Variants in ERICH1 observed in about 807,000 individuals in gnomAD.
ERICH1 encodes the protein glutamate rich 1.
ERICH1 carries 56 observed loss-of-function variants against 39.6 expected under a neutral mutation model. The ratio of observed to expected loss-of-function variants is 1.41; its 90% confidence interval spans 1.14 to 1.77. The LOEUF (loss-of-function observed/expected upper bound fraction) is 1.77, where lower values mean the gene tolerates loss of function less well. Among genes scored for constraint, ERICH1 ranks in the 40% most tolerant of loss-of-function variants. The pLI is 0.00. For missense variants in ERICH1, 826 were observed against 575.4 expected, an observed-to-expected ratio of 1.44 and a Z score of -4.45; for synonymous variants, 313 against 223.6, an observed-to-expected ratio of 1.40 and a Z score of -3.57.
At chr8:688,243 G>C (rs1052095715) in intron 3 of ERICH1, among the ~76,000 whole-genome samples, 2 of 96,132 alleles carry the variant, frequency 2.1e-5, no homozygotes, top group African/African-American at 8.8e-5. Context: ...TCGCAGAAAA[G>C]GTAAAGCGGC....
At chr8:710,671 T>C (rs946027176) in intron 2 of ERICH1, among the ~76,000 whole-genome samples, 1 of 152,246 alleles carries the variant, frequency 6.6e-6, no homozygotes, top group Non-Finnish European at 1.5e-5. Context: ...TAATAAGCAT[T>C]TAAGGTCCCA....
chr8:634,952 T>C (rs1798308767), intron 3 of ERICH1, among the ~76,000 whole-genome samples: 1 of 151,986 alleles, frequency 6.6e-6, no homozygotes, highest in Non-Finnish European at 1.5e-5. Context: ...TTGGTGCCTC[T>C]GGGGAAGGAA....
chr8:673,833 CCTTTT>C lies in ERICH1; in HGVS notation c.514_518del (p.Lys172GlufsTer25). 1 of 1,614,122 alleles carries C rather than the reference CCTTTT, an allele frequency of 6.2e-7. No homozygotes were observed. The highest frequency in any genetic ancestry group is 8.5e-7 in the Non-Finnish European group (1 of 1,180,022). On this transcript the variant is annotated frameshift_variant, in exon 4 of 6. Coordinates refer to ENST00000262109, the MANE Select transcript of ERICH1 (RefSeq NM_207332.3). LOFTEE classifies it high-confidence loss of function. The stretch of plus-strand genomic sequence containing the variant: ...TTGCTGCCAAGCCGGCTGCTTTCTT[CCTTTT>C]AATTTGCTGTTTCTTTTTCAGTTTC...
At chr8:631,594 G>C (rs1798042434) in intron 3 of ERICH1, among the ~76,000 whole-genome samples, 1 of 152,194 alleles carries the variant, frequency 6.6e-6, no homozygotes, top group Non-Finnish European at 1.5e-5. Context: ...GACACTGCCA[G>C]GGAGTGGGGG....
intron 3 of ERICH1, chr8:640,738 G>A (rs893762245): frequency 2.6e-5 from 4 of 152,234 alleles, no homozygotes; most frequent in Non-Finnish European, 5.9e-5. Flanking sequence ...TGTCATCGGT[G>A]TTGGTTCCTT....
At chr8:704,826 G>C (rs1236899300) in intron 2 of ERICH1, among the ~76,000 whole-genome samples, 1 of 152,132 alleles carries the variant, frequency 6.6e-6, no homozygotes, top group Non-Finnish European at 1.5e-5. Flanking sequence ...AGGGGGGGTG[G>C]TTTTACCCAG....
downstream of ERICH1, among the ~76,000 whole-genome samples, chr8:661,520 T>G (rs1454288341): frequency 6.6e-6 from 1 of 152,226 alleles, no homozygotes; most frequent in African/African-American, 2.4e-5. Context: ...CTCCTGACTG[T>G]TTCCTTCTCT....
intron 2 of ERICH1, among the ~76,000 whole-genome samples, chr8:706,915 C>A (rs1242244507): frequency 6.6e-6 from 1 of 152,188 alleles, no homozygotes; most frequent in Non-Finnish European, 1.5e-5. Context: ...GAAGACAATA[C>A]TGCCCAGTGT....
intron 3 of ERICH1, among the ~76,000 whole-genome samples, chr8:682,620 C>T (rs1008009818): frequency 5.3e-5 from 8 of 152,192 alleles, no homozygotes; most frequent in African/African-American, 1.9e-4. Context: ...TGGAGCAGTG[C>T]GCTTTGAAAA....
intron 3 of ERICH1, among the ~76,000 whole-genome samples, chr8:688,232 C>A (rs1296821598): frequency 4.8e-5 from 6 of 125,468 alleles, no homozygotes; most frequent in Admixed American, 2.6e-4. Context: ...TCCCGACGTT[C>A]TCGCAGAAAA....
At chr8:638,751 C>T (rs945572079) in intron 3 of ERICH1, among the ~76,000 whole-genome samples, 4 of 152,188 alleles carry the variant, frequency 2.6e-5, no homozygotes, top group Non-Finnish European at 4.4e-5. Flanking sequence ...GTGGTTATCC[C>T]TGAAGCCATT....
chr8:688,398 G>A (rs1444427877), intron 3 of ERICH1, among the ~76,000 whole-genome samples: 3 of 87,732 alleles, frequency 3.4e-5, no homozygotes, highest in Non-Finnish European at 7.4e-5. Context: ...CTCCAGAGGC[G>A]CCCAGGCTCC....
chr8:724,476 C>A (rs916311204), intron 1 of ERICH1, among the ~76,000 whole-genome samples: 1 of 152,146 alleles, frequency 6.6e-6, no homozygotes, highest in Admixed American at 6.5e-5. Context: ...ACACACCCAG[C>A]GGGATGCGAG....
At chr8:683,986 A>T (rs1806743645) in intron 3 of ERICH1, among the ~76,000 whole-genome samples, 1 of 152,242 alleles carries the variant, frequency 6.6e-6, no homozygotes, top group South Asian at 2.1e-4. Context: ...TACATACTCA[A>T]GAAATTGTTC....
chr8:687,598 A>T (rs1163713622), intron 3 of ERICH1, among the ~76,000 whole-genome samples: 3 of 152,038 alleles, frequency 2.0e-5, no homozygotes, highest in Non-Finnish European at 4.4e-5. Context: ...GCAGGACTGG[A>T]GGGAGGCGGG....
chr8:677,759 T>C (rs761061753), intron 3 of ERICH1, among the ~76,000 whole-genome samples: 15 of 152,176 alleles, frequency 9.9e-5, no homozygotes, highest in Non-Finnish European at 1.5e-4. Context: ...AATTTGGAGA[T>C]AAGTAACACA....
rs1585620203 is a variant in ERICH1, at chr8:715,484, T to A, written c.169+377A>T. Among the ~76,000 whole-genome samples the A allele has an allele frequency of 2.0e-5, 3 of 152,044 alleles. No individual in the cohort carries two copies. In the South Asian group the frequency reaches 6.2e-4, roughly 32 times the overall value. On this transcript the variant is annotated intron_variant, in intron 2 of 5. Transcript: ENST00000262109. ...AGAACCTCAGAAGCCTGTCCCTGAG[T>A]GGGCACAAGCCAACGGGGCCAAGGG...
intron 3 of ERICH1, among the ~76,000 whole-genome samples, chr8:622,243 T>C (rs1280237471): frequency 6.6e-6 from 1 of 152,022 alleles, no homozygotes; most frequent in Non-Finnish European, 1.5e-5. Flanking sequence ...AATAAATAAA[T>C]AAATTCCTTG....
intron 3 of ERICH1, among the ~76,000 whole-genome samples, chr8:655,144 G>A (rs766752341): frequency 6.6e-6 from 1 of 152,196 alleles, no homozygotes; most frequent in Non-Finnish European, 1.5e-5. Flanking sequence ...CCCACGCCAA[G>A]TCGGCCCCAA....
Sources: gnomAD v4.1 joint callset for allele counts (sites outside exome capture counted in the v4.1 genomes callset) on GRCh38, gnomAD v4.1.1 for gene constraint, MANE v1.5 for transcripts, NCBI Gene and HGNC (gene_info 2026-07-23, HGNC 2026-07-21) for gene names.